The following PRSS56 variants were observed in gnomAD, a reference collection of about 807,000 sequenced individuals.
PRSS56 encodes the protein serine protease 56, also known as protease, serine 56.
Under a neutral mutation model 66.8 loss-of-function variants are expected in PRSS56, and 55 were observed. The observed-to-expected ratio is 0.82, with a 90% CI of 0.66 to 1.03. PRSS56 has a LOEUF of 1.03. PRSS56 is among the 50% of genes least tolerant of loss of function. The probability of loss-of-function intolerance (pLI) is 0.00; values close to 1 mark genes in which losing one functional copy is unlikely to be tolerated. For synonymous variants in PRSS56, 409 were observed against 387.9 expected (o/e 1.05, Z -0.64); for missense variants, 869 against 837.2 (o/e 1.04, Z -0.47).
chr2:232,520,496 G>A lies in PRSS56; in HGVS notation c.-103G>A, dbSNP rs1189431261. On this transcript the variant is annotated 5_prime_UTR_variant, in exon 1 of 13. Transcript: ENST00000617714. The stretch of plus-strand genomic sequence containing the variant: ...GAGGGACAAGAATTCAGTGCCCGGG[G>A]GCCGAAAGGCAGCAGAAGGCGGGCA... 3 of 891,348 alleles carry A rather than the reference G, an allele frequency of 3.4e-6. No individual in the cohort carries two copies. The highest frequency in any genetic ancestry group is 5.4e-6 in the Non-Finnish European group (3 of 559,050). 55.2% of individuals were successfully genotyped at this position (891,348 alleles called of 1,614,324 possible). A position where few individuals can be genotyped will look rare whatever the true frequency, so the allele number is the denominator to read the frequency against.
In PRSS56 at chr2:232,521,324, T is replaced by C. The variant is rs1413831864; in HGVS notation, c.101T>C (p.Leu34Pro). 6.5e-7 allele frequency: 1 copy of C among 1,535,898 alleles called. No individual in the cohort carries two copies. The highest frequency in any genetic ancestry group is 8.7e-7 in the Non-Finnish European group (1 of 1,146,674). Residue 34 changes from leucine to proline, a missense_variant, in exon 2 of 13, where the codon CTG (leucine) becomes CCG (proline). By Grantham distance (98) the Leu-to-Pro change is moderately conservative (BLOSUM62 -3). This residue lies in a region of PRSS56 where 315 missense variants were observed against 313.7 expected (regional missense o/e 1.00). Coordinates refer to ENST00000617714, the MANE Select transcript of PRSS56 (RefSeq NM_001195129.2). ...TRLPPSALQV[L>P]SAQGTQALQA... ...TGTGTGCCCCCTGTCCCAGCAGTTC[T>C]GTCGGCCCAGGGGACTCAGGCGTTG...
At position 232,521,339 on chromosome 2, in the gene PRSS56, C is replaced by T; in HGVS notation, c.116C>T (p.Thr39Ile). The T allele has an allele frequency of 6.5e-7, 1 of 1,536,106 alleles. No individual in the cohort carries two copies. The highest frequency in any genetic ancestry group is 1.4e-5 in the African/African-American group (1 of 73,172). The change falls in exon 2 of 13, where the codon ACT (threonine) becomes ATT (isoleucine). Residue 39 changes from threonine to isoleucine, a missense_variant. Thr to Ile is a moderately conservative substitution (Grantham distance 89, BLOSUM62 -1). Coordinates refer to ENST00000617714, the MANE Select transcript of PRSS56 (RefSeq NM_001195129.2). ...SALQVLSAQG[T>I]QALQAAQRSA... ...CCAGCAGTTCTGTCGGCCCAGGGGA[C>T]TCAGGCGTTGCAGGCAGCCCAGAGG...
At chr2:232,521,468 C>A in intron 2 of PRSS56, 40 bp downstream of exon 2, 1 of 1,447,250 alleles carries the variant, frequency 6.9e-7, no homozygotes, top group Non-Finnish European at 9.4e-7. Context: ...AGCTTGCTGC[C>A]TACCCTGGGC....
In PRSS56 at chr2:232,521,825, G is replaced by A. The variant is rs761431902; in HGVS notation, c.215G>A (p.Arg72His). Residue 72 changes from arginine (R) to histidine (H), a missense_variant, in exon 3 of 13, where the codon CGC becomes CAC. Physicochemically the swap from Arg to His is conservative, Grantham distance 29. Transcript: ENST00000617714. ...HRSHECRGSG[R>H]PRPQALLQDP... Reference sequence around the variant, plus strand: ...GTCTGTTTCTCTGCAGGATCTGGGCGCCCCAGGCCTCAAGCTCTCCTCCAG... The same window carrying A: ...GTCTGTTTCTCTGCAGGATCTGGGCACCCCAGGCCTCAAGCTCTCCTCCAG... The A allele has an allele frequency of 9.1e-6, 14 of 1,535,902 alleles. No individual in the cohort carries two copies. Among genetic ancestry groups the A allele is most frequent in the African/African-American group, 1.4e-5 (1 of 73,054 alleles).
Position 232,521,952 on chromosome 2 carries a change from AC to A in PRSS56, c.257-15del. 2 of 1,503,898 alleles carry A rather than the reference AC, an allele frequency of 1.3e-6. No individual in the cohort carries two copies. The highest frequency in any genetic ancestry group is 1.8e-6 in the Non-Finnish European group (2 of 1,127,782). 93.2% of individuals were successfully genotyped at this position (1,503,898 alleles called of 1,614,324 possible). ...ATGGCCAGAACATGTCCCTCGTGAC[AC>A]CCCTTGCCCCTTTCTAGGGCCGTGC... On this transcript the variant is annotated intron_variant, in intron 3 of 12. Transcript: ENST00000617714.
At position 232,525,641 on chromosome 2, in the gene PRSS56, G is replaced by T; in HGVS notation, c.*135G>T. ...GGGTGGGATGGGGTGGGGGTCCTGG[G>T]CCCCCCGTGTCTTCCCAGGTTTACA... On this transcript the variant is annotated 3_prime_UTR_variant, in exon 13 of 13. Coordinates refer to ENST00000617714, the MANE Select transcript of PRSS56 (RefSeq NM_001195129.2). 1.7e-6 allele frequency: 1 copy of T among 604,012 alleles called. No homozygotes were observed. Among genetic ancestry groups the T allele is most frequent in the Non-Finnish European group, 2.7e-6 (1 of 371,598 alleles). 37.4% of individuals were successfully genotyped at this position (604,012 alleles called of 1,614,324 possible).
At chr2:232,521,710 A>G in intron 2 of PRSS56, 106 bp from the exon 3 acceptor site, 1 of 1,144,918 alleles carries the variant, frequency 8.7e-7, no homozygotes, top group Non-Finnish European at 1.2e-6. Flanking sequence ...TGTGGGCTGG[A>G]GGGCTGAGCG....
rs1223260224 is a variant in PRSS56, at chr2:232,523,821, C to A, written c.1062C>A (p.Pro354=). The A allele has an allele frequency of 2.0e-6, 3 of 1,533,660 alleles. No individual in the cohort carries two copies. Among genetic ancestry groups the A allele is most frequent in the South Asian group, 2.4e-5 (2 of 83,956 alleles). Residue 354 remains proline, a synonymous_variant, in exon 9 of 13, where the codon CCC becomes CCA. Coordinates refer to ENST00000617714, the MANE Select transcript of PRSS56 (RefSeq NM_001195129.2). ...PSCRELLAWD[P]PQELQADAAR... ...GCAGGGAGCTTCTGGCCTGGGACCC[C>A]CCCCAGGAGCTGCAGGCAGACGCCG...
In PRSS56 at chr2:232,520,666, A is replaced by T. The variant is rs1410839553; in HGVS notation, c.68A>T (p.Tyr23Phe). Reference protein sequence around the residue: ...SSWFAHGHPLYTRLPPSALQV... With the variant: ...SSWFAHGHPLFTRLPPSALQV... ...TGGTTTGCCCACGGGCACCCACTGT[A>T]CACACGCCTGCCCCCCAGCGCCCTG... The change falls in exon 1 of 13, where the codon TAC becomes TTC. Residue 23 changes from tyrosine to phenylalanine, a missense_variant. This residue lies in a region of PRSS56 where 315 missense variants were observed against 313.7 expected (regional missense o/e 1.00). Transcript: ENST00000617714. The T allele has an allele frequency of 1.3e-6, 2 of 1,535,638 alleles. No individual in the cohort carries two copies. Among genetic ancestry groups the T allele is most frequent in the Admixed American group, 3.9e-5 (2 of 50,970 alleles).
chr2:232,522,188 GCTGGGGTCCCCGGCGCTGGGCCCCGCAC>G, intron 4 of PRSS56, 28 bp downstream of exon 4: 1 of 1,435,728 alleles, frequency 7.0e-7, no homozygotes, highest in Non-Finnish European at 9.1e-7. Context: ...GCCTTGCCCA[GCTGGGGTCCCCGGCGCTGGGCCCCGCAC>G]CTGCCGGGTT....
chr2:232,524,685 C>A, intron 11 of PRSS56, 53 bp from the exon 12 acceptor site: 2 of 1,313,602 alleles, frequency 1.5e-6, no homozygotes, highest in Non-Finnish European at 2.1e-6. Context: ...GTGCCACCCC[C>A]AGTTCCATAC....
chr2:232,524,874 C>T lies in PRSS56; in HGVS notation c.1521+30C>T, dbSNP rs1691384499. 3.4e-6 allele frequency: 5 copies of T among 1,481,144 alleles called. No homozygotes were observed. The African/African-American group carries it at 5.6e-5, about 16-fold the overall frequency. The allele number at this position is 1,481,144 out of a possible 1,614,324, so 91.8% of individuals were successfully genotyped here. ...GTCCCCAGGCTTCCAGACTCCTTCA[C>T]GATGGCCTGGGAAGGCTGAGACCCA... On this transcript the variant is annotated intron_variant, in intron 12 of 12. Coordinates refer to ENST00000617714, the MANE Select transcript of PRSS56 (RefSeq NM_001195129.2).
At chr2:232,523,651 C>CG in intron 8 of PRSS56, 73 bp downstream of exon 8, 2 of 1,503,812 alleles carry the variant, frequency 1.3e-6, no homozygotes, top group Non-Finnish European at 1.8e-6. Flanking sequence ...CGTTTCCACC[C>CG]GGCCCATGCC....
intron 6 of PRSS56, 74 bp downstream of exon 6, chr2:232,522,935 G>A: frequency 2.8e-6 from 4 of 1,454,178 alleles, no homozygotes; most frequent in Non-Finnish European, 3.6e-6. Flanking sequence ...AGGGAGGCCG[G>A]GTTGCCTTGG....
Position 232,520,591 on chromosome 2 carries a change from T to A in PRSS56, c.-8T>A. 6.5e-7 allele frequency: 1 copy of A among 1,535,574 alleles called. No homozygotes were observed. The highest frequency in any genetic ancestry group is 8.7e-7 in the Non-Finnish European group (1 of 1,146,370). Reference sequence around the variant, plus strand: ...GACAGGGGTCTCTCACCCCAGCTCCTGGTCACCATGCTGCTGGCTGTGCTG... The same window carrying A: ...GACAGGGGTCTCTCACCCCAGCTCCAGGTCACCATGCTGCTGGCTGTGCTG... On this transcript the variant is annotated 5_prime_UTR_variant, in exon 1 of 13. Transcript: ENST00000617714.
Position 232,525,287 on chromosome 2 carries a change from C to T in PRSS56, c.1593C>T (p.Gly531=), listed in dbSNP as rs1409066633. 1 of 1,522,040 alleles carries T rather than the reference C, an allele frequency of 6.6e-7. No homozygotes were observed. Among genetic ancestry groups the T allele is most frequent in the Admixed American group, 2.0e-5 (1 of 49,804 alleles). 94.3% of individuals were successfully genotyped at this position (1,522,040 alleles called of 1,614,324 possible). ...FRAWVRAGLG[G]RHVAFSGLVG... ...CCTGGGTGCGGGCAGGCTTGGGGGG[C>T]CGGCATGTGGCCTTCAGCGGCCTGG... is the stretch of plus-strand genomic sequence containing the variant. Residue 531 remains glycine (G), a synonymous_variant, in exon 13 of 13, where the codon GGC becomes GGT. Coordinates refer to ENST00000617714, the MANE Select transcript of PRSS56 (RefSeq NM_001195129.2).
chr2:232,520,692 C>G lies in PRSS56; in HGVS notation c.94C>G (p.Gln32Glu). Reference protein sequence around the residue: ...LYTRLPPSALQVLSAQGTQAL... With the variant: ...LYTRLPPSALEVLSAQGTQAL... The stretch of plus-strand genomic sequence containing the variant: ...CACACGCCTGCCCCCCAGCGCCCTG[C>G]AAGGTAAGTCCAGGCTGGCCCGAGA... Residue 32 changes from glutamine to glutamate, a missense_variant, in exon 1 of 13, where the codon CAA becomes GAA. Around this residue, in one of 3 missense-constraint regions of PRSS56, gnomAD observed 315 missense variants for 313.7 expected, o/e 1.00. Transcript: ENST00000617714. 6.5e-7 allele frequency: 1 copy of G among 1,527,576 alleles called. No homozygotes were observed. 94.6% of individuals were successfully genotyped at this position (1,527,576 alleles called of 1,614,324 possible).
chr2:232,521,896 C>T (rs1691285613), intron 3 of PRSS56, 30 bp downstream of exon 3: 5 of 1,532,022 alleles, frequency 3.3e-6, no homozygotes, highest in East Asian at 2.5e-5. Flanking sequence ...AGGGGGCAGG[C>T]CTGAGAGCCG....
At chr2:232,522,362 T>G in intron 4 of PRSS56, 153 bp from the exon 5 acceptor site, 2 of 808,470 alleles carry the variant, frequency 2.5e-6, no homozygotes, top group Non-Finnish European at 3.5e-6. Flanking sequence ...GCCGGGCGAG[T>G]TCGCCCCCTC....
Sources: allele counts gnomAD v4.1 joint callset, GRCh38; gene constraint gnomAD v4.1.1; regional missense constraint gnomAD v4.1.1; transcripts MANE v1.5; gene names NCBI Gene and HGNC (gene_info 2026-07-23, HGNC 2026-07-21).